Variants in TUB observed in about 807,000 individuals in gnomAD.
TUB encodes TUB bipartite transcription factor.
Under a neutral mutation model 59.7 loss-of-function variants are expected in TUB, and 33 were observed. The ratio of observed to expected loss-of-function variants is 0.55; its 90% CI spans 0.42 to 0.74. The LOEUF is 0.74. Among genes scored for constraint, TUB ranks in the 30% least tolerant of loss-of-function variants. TUB has a pLI of 0.00. For synonymous variants in TUB, 293 were observed against 256.4 expected, an observed-to-expected ratio of 1.14 and a Z score of -1.36; for missense variants, 659 against 672.0, an observed-to-expected ratio of 0.98 and a Z score of 0.21.
intron 3 of TUB, 59 bp downstream of exon 3, chr11:8,090,290 G>T (rs1242317966): frequency 4.4e-6 from 7 of 1,588,274 alleles, no homozygotes; most frequent in Non-Finnish European, 6.0e-6. Flanking sequence ...GTCACTTCCT[G>T]CCCACCTAGG....
chr11:8,036,705 C>A (rs1381759160), upstream of TUB, among the ~76,000 whole-genome samples: 1 of 152,230 alleles, frequency 6.6e-6, no homozygotes, highest in Non-Finnish European at 1.5e-5. Context: ...AAAGGGCTGC[C>A]TGCCCCAGGG....
chr11:8,023,615 G>C (rs1282455418), intron 1 of TUB, among the ~76,000 whole-genome samples: 1 of 152,212 alleles, frequency 6.6e-6, no homozygotes. Flanking sequence ...TCAGCCAACA[G>C]CTTTAACGCA....
rs1944471219 is a variant in TUB, at chr11:8,104,854, A to G, written c.*3235A>G. The G allele has an allele frequency of 6.6e-6, 1 of 152,148 alleles. No homozygotes were observed. The highest frequency in any genetic ancestry group is 6.5e-5 in the Admixed American group (1 of 15,274). The allele number at this position is 152,148 out of a possible 1,614,324, so 9.4% of individuals were successfully genotyped here. ...GTTGGAAGCCAGGACTGTGATAATC[A>G]GAAGCTATAAGAGAACTTTCGGAGC... On this transcript the variant is annotated 3_prime_UTR_variant, in exon 12 of 12. Coordinates refer to ENST00000299506, the MANE Select transcript of TUB (RefSeq NM_177972.3).
At position 8,097,748 on chromosome 11, in the gene TUB, G is replaced by A. The variant is rs1944062667; in HGVS notation, c.920G>A (p.Ser307Asn). Reference protein sequence around the residue: ...FLLAGRKRKKSKTSNYLISVD... With the variant: ...FLLAGRKRKKNKTSNYLISVD... ...CTGGCGGGAAGGAAGAGAAAGAAGAGTAAAACTTCCAATTACCTCATCTCT... is the reference window on the plus strand; with the variant it reads ...CTGGCGGGAAGGAAGAGAAAGAAGAATAAAACTTCCAATTACCTCATCTCT... The change falls in exon 8 of 12, where the codon AGT becomes AAT. Residue 307 changes from serine (S) to asparagine (N), a missense_variant. By Grantham distance (46) the Ser-to-Asn change is conservative. Coordinates refer to ENST00000299506, the MANE Select transcript of TUB (RefSeq NM_177972.3). 6.2e-7 allele frequency: 1 copy of A among 1,614,124 alleles called. No homozygotes were observed. The highest frequency in any genetic ancestry group is 8.5e-7 in the Non-Finnish European group (1 of 1,179,990).
At chr11:8,094,709 T>TA (rs1286378376) in intron 4 of TUB, among the ~76,000 whole-genome samples, 3 of 152,204 alleles carry the variant, frequency 2.0e-5, no homozygotes, top group African/African-American at 7.2e-5. Context: ...AAAAGACCCC[T>TA]AAAGATTAAG....
intron 8 of TUB, 87 bp from the exon 9 acceptor site, chr11:8,098,671 C>A: frequency 1.0e-6 from 1 of 960,540 alleles, no homozygotes; most frequent in South Asian, 1.5e-5. Flanking sequence ...GAATGTTTTG[C>A]AGGCTCCTCA....
intron 6 of TUB, 64 bp downstream of exon 6, chr11:8,096,870 T>G: frequency 1.3e-6 from 2 of 1,579,320 alleles, no homozygotes; most frequent in Admixed American, 3.3e-5. Context: ...AGAGGTGGAC[T>G]GCATGTGAAG....
chr11:8,100,746 C>T (rs923677009), intron 10 of TUB, 80 bp from the exon 11 acceptor site: 15 of 1,583,406 alleles, frequency 9.5e-6, no homozygotes, highest in Non-Finnish European at 1.3e-5. Context: ...CAAGGACCCC[C>T]ATTCCCGGGA....
Position 8,038,936 on chromosome 11 carries a change from G to A in TUB, c.63G>A (p.Leu21=), listed in dbSNP as rs147860705. Residue 21 remains leucine, a synonymous_variant, in exon 1 of 13, where the codon TTG becomes TTA. Coordinates refer to the TUB transcript ENST00000305253. ...CTTTCTTTGCCGAGACAGGGATTTT[G>A]TTCCCAGGAGGCACTCCCTGGCCCA... is the stretch of plus-strand genomic sequence containing the variant. The A allele has an allele frequency of 1.7e-5, 28 of 1,613,916 alleles. No homozygotes were observed. The highest frequency in any genetic ancestry group is 2.4e-5 in the Non-Finnish European group (28 of 1,179,988).
chr11:8,059,641 T>A (rs916118249), intron 2 of TUB, among the ~76,000 whole-genome samples: 2 of 150,234 alleles, frequency 1.3e-5, no homozygotes, highest in Non-Finnish European at 3.0e-5. Flanking sequence ...CTGCCGGGAG[T>A]TTAGGAGTGG....
chr11:8,093,668 CCTTTGTT>C (rs1943857916), intron 3 of TUB, among the ~76,000 whole-genome samples: 1 of 152,190 alleles, frequency 6.6e-6, no homozygotes, highest in Admixed American at 6.5e-5. Context: ...GAAGATGCAG[CCTTTGTT>C]CTTTCTTCCC....
chr11:8,098,419 C>A (rs1045406653), intron 8 of TUB, among the ~76,000 whole-genome samples: 10 of 152,148 alleles, frequency 6.6e-5, no homozygotes. Flanking sequence ...GGGTGCTAAG[C>A]CTCTTCCACT....
chr11:8,046,485 TG>T (rs1192882652), intron 2 of TUB, among the ~76,000 whole-genome samples: 6 of 152,206 alleles, frequency 3.9e-5, no homozygotes, highest in Non-Finnish European at 7.3e-5. Flanking sequence ...TCCTATCTCC[TG>T]GGGGAAACCC....
intron 2 of TUB, chr11:8,067,354 G>A (rs1392412951): frequency 6.6e-6 from 1 of 152,232 alleles, no homozygotes; most frequent in Non-Finnish European, 1.5e-5. Flanking sequence ...AACTCAGCCA[G>A]TTGTTTTACC....
At chr11:8,044,700 A>G (rs2133740677) in intron 2 of TUB, among the ~76,000 whole-genome samples, 1 of 152,334 alleles carries the variant, frequency 6.6e-6, no homozygotes, top group South Asian at 2.1e-4. Flanking sequence ...GTCCCGCAAG[A>G]CTTCCCCCAT....
At chr11:8,038,837 G>C in exon 1 of TUB, 3 of 1,607,742 alleles carry the variant, frequency 1.9e-6, no homozygotes, top group Non-Finnish European at 2.5e-6. Context: ...GCCTGAAGTG[G>C]GACCATCCCT....
rs1201535856 is a variant in TUB at position 8,105,882 on chromosome 11, G to A, written c.*4263G>A. 6.6e-6 allele frequency: 1 copy of A among 152,196 alleles called. No individual in the cohort carries two copies. The highest frequency in any genetic ancestry group is 1.5e-5 in the Non-Finnish European group (1 of 68,034). 9.4% of individuals were successfully genotyped at this position (152,196 alleles called of 1,614,324 possible). ...CCTAGAACGCAACTTAGGATGGCTA[G>A]GAAAGGGAAGCCTGACTGCTCGGTC... is the stretch of plus-strand genomic sequence containing the variant. On this transcript the variant is annotated 3_prime_UTR_variant, in exon 12 of 12. Transcript: ENST00000299506.
chr11:8,058,567 A>G (rs77053045), intron 2 of TUB, among the ~76,000 whole-genome samples: 2,463 of 152,344 alleles, frequency 0.016, 72 homozygotes, highest in African/African-American at 0.056. Flanking sequence ...AAAGGGTGTC[A>G]TGTTTATAGT....
At chr11:8,089,787 A>G (rs1328419477) in intron 2 of TUB, 126 bp downstream of exon 2, 7 of 1,312,860 alleles carry the variant, frequency 5.3e-6, no homozygotes, top group East Asian at 2.4e-5. Context: ...CCCATGTGGA[A>G]GAAGAGAGGT....
Sources: allele counts gnomAD v4.1 joint callset (sites outside exome capture counted in the v4.1 genomes callset), GRCh38; gene constraint gnomAD v4.1.1; transcripts MANE v1.5; gene names NCBI Gene and HGNC (gene_info 2026-07-23, HGNC 2026-07-21).